DIP2A: variants seen among roughly 807,000 people sequenced by gnomAD.
DIP2A encodes disco-interacting protein 2 homolog A.
DIP2A carries 85 observed loss-of-function variants against 177.4 expected under a neutral mutation model. That is an observed-to-expected ratio of 0.48 (90% confidence interval 0.40 to 0.57). The LOEUF (loss-of-function observed/expected upper bound fraction) is 0.57. Ranked by LOEUF, DIP2A falls within the 20% of genes least tolerant of loss-of-function variation. The probability of loss-of-function intolerance (pLI) is 0.00; values close to 1 mark genes in which losing one functional copy is unlikely to be tolerated. For synonymous variants in DIP2A, 886 were observed against 881.8 expected (o/e 1.00, Z -0.08); for missense variants, 1,791 against 2,100.2 (o/e 0.85, Z 2.88).
chr21:46,470,495 A>G (rs1266925591), intron 1 of DIP2A, among the ~76,000 whole-genome samples: 2 of 150,002 alleles, frequency 1.3e-5, no homozygotes, highest in African/African-American at 2.5e-5. Flanking sequence ...AGGGGGGGCC[A>G]GGCACGGTAG....
chr21:46,503,905 T>C (rs2057836310), intron 5 of DIP2A, among the ~76,000 whole-genome samples: 1 of 152,162 alleles, frequency 6.6e-6, no homozygotes, highest in Admixed American at 6.5e-5. Context: ...TTTGTATTTT[T>C]AGTAGAGACG....
intron 1 of DIP2A, among the ~76,000 whole-genome samples, chr21:46,482,305 A>G (rs1025932918): frequency 5.9e-5 from 9 of 152,204 alleles, no homozygotes; most frequent in Admixed American, 5.2e-4. Context: ...CCACATATAT[A>G]ACAGTGGCTC....
the DIP2A span, among the ~76,000 whole-genome samples, chr21:46,583,748 T>C: frequency 5.9e-5 from 9 of 152,326 alleles, no homozygotes; most frequent in Admixed American, 5.2e-4. Context: ...CCTTGCTCTC[T>C]CTTGCCTTTC....
In DIP2A at chr21:46,558,556, A is replaced by G. The variant is rs976525846; in HGVS notation, c.3969+163A>G. ...GTAACATTTTAGCTTCAAGGGTTTT[A>G]TTTTTAAAGATGTTCTATTCTAGTT... On this transcript the variant is annotated intron_variant, in intron 32 of 37. Coordinates refer to ENST00000417564, the MANE Select transcript of DIP2A (RefSeq NM_015151.4). The G allele has an allele frequency of 4.2e-6, 3 of 708,088 alleles. No individual in the cohort carries two copies. In the African/African-American group the frequency reaches 5.4e-5, roughly 13 times the overall value. The allele number at this position is 708,088 out of a possible 1,614,324, so 43.9% of individuals were successfully genotyped here.
chr21:46,552,822 T>G (rs1569098782), intron 25 of DIP2A: 1 of 152,236 alleles, frequency 6.6e-6, no homozygotes, highest in Non-Finnish European at 1.5e-5. Flanking sequence ...ACATTTATTT[T>G]ATGATTGATT....
chr21:46,489,530 A>G (rs1318760959), intron 2 of DIP2A, among the ~76,000 whole-genome samples: 2 of 152,152 alleles, frequency 1.3e-5, no homozygotes, highest in African/African-American at 4.8e-5. Context: ...GCACAGAGCC[A>G]GGTAGAGCCG....
intron 25 of DIP2A, chr21:46,553,779 C>T (rs75201477): frequency 0.039 from 6,483 of 164,420 alleles, 188 homozygotes; most frequent in Non-Finnish European, 0.059. Flanking sequence ...ATGGAGTGCC[C>T]GCATCTCTCC....
At chr21:46,576,163 G>A in the DIP2A span, among the ~76,000 whole-genome samples, 2 of 152,160 alleles carry the variant, frequency 1.3e-5, no homozygotes, top group African/African-American at 4.8e-5. Flanking sequence ...ACATGTGCAG[G>A]ATGTGCAGAT....
rs1014399295 is a variant in DIP2A, at chr21:46,554,713, C to T, written c.3276+17C>T. On this transcript the variant is annotated intron_variant, in intron 27 of 37. Coordinates refer to ENST00000417564, the MANE Select transcript of DIP2A (RefSeq NM_015151.4). ...ATCGTGGAGGTGCGCCTACCTGGCC[C>T]GCGGGTCAGAGTCTGTGAGTGGGAG... 7 of 1,557,024 alleles carry T rather than the reference C, an allele frequency of 4.5e-6. No homozygotes were observed. Among genetic ancestry groups the T allele is most frequent in the Non-Finnish European group, 6.1e-6 (7 of 1,151,256 alleles).
intron 16 of DIP2A, 44 bp from the exon 17 acceptor site, chr21:46,539,833 C>T: frequency 2.0e-6 from 3 of 1,493,986 alleles, no homozygotes; most frequent in Non-Finnish European, 2.8e-6. Flanking sequence ...TCCCTGCTGG[C>T]CCCCCAGTTA....
At chr21:46,582,907 T>G in the DIP2A span, among the ~76,000 whole-genome samples, 1 of 152,158 alleles carries the variant, frequency 6.6e-6, no homozygotes, top group African/African-American at 2.4e-5. Context: ...ATGAATGAAT[T>G]AAACAGTTTA....
intron 1 of DIP2A, among the ~76,000 whole-genome samples, chr21:46,476,652 A>ATT (rs111428142): frequency 7.7e-5 from 10 of 129,898 alleles, no homozygotes; most frequent in Admixed American, 2.4e-4. Context: ...GCATCACTCT[A>ATT]TTTTTTTTTT....
intron 1 of DIP2A, 95 bp from the exon 2 acceptor site, chr21:46,484,662 C>T (rs2148435293): frequency 2.0e-6 from 2 of 1,024,458 alleles, no homozygotes; most frequent in Non-Finnish European, 2.8e-6. Context: ...GGAAGGACAT[C>T]AGTGTTTCCA....
chr21:46,473,793 G>A (rs1371880781), intron 1 of DIP2A, among the ~76,000 whole-genome samples: 1 of 152,156 alleles, frequency 6.6e-6, no homozygotes, highest in Admixed American at 6.5e-5. Context: ...TGGAATTATA[G>A]GCGTGAACCA....
Position 46,551,668 on chromosome 21 carries a change from G to C in DIP2A, c.2874G>C (p.Leu958=). The C allele has an allele frequency of 6.2e-7, 1 of 1,614,030 alleles. No individual in the cohort carries two copies. The highest frequency in any genetic ancestry group is 8.5e-7 in the Non-Finnish European group (1 of 1,179,898). ...CAGCCTCAATGATCGTGGGGAACCT[G>C]GTTGCTGGGAAGAGAATCGCTCAGG... ...VGPASMIVGN[L]VAGKRIAQAS... is the part of the protein sequence containing the mutation. The change falls in exon 24 of 38, where the codon CTG becomes CTC. Residue 958 remains leucine, a synonymous_variant. Coordinates refer to ENST00000417564, the MANE Select transcript of DIP2A (RefSeq NM_015151.4).
At chr21:46,473,556 C>G (rs2055587953) in intron 1 of DIP2A, among the ~76,000 whole-genome samples, 1 of 151,916 alleles carries the variant, frequency 6.6e-6, no homozygotes. Context: ...TGCTCTGTTA[C>G]CCAGGCTGGA....
intron 8 of DIP2A, 61 bp from the exon 9 acceptor site, chr21:46,529,031 T>C: frequency 8.8e-7 from 1 of 1,141,344 alleles, no homozygotes; most frequent in East Asian, 2.7e-5. Context: ...GTTTCTACAT[T>C]AAAATGTTAA....
intron 4 of DIP2A, among the ~76,000 whole-genome samples, chr21:46,498,000 T>A (rs1391770633): frequency 6.6e-6 from 1 of 152,192 alleles, no homozygotes; most frequent in African/African-American, 2.4e-5. Context: ...ACAGTTAATT[T>A]TGTTGTCTGA....
chr21:46,567,263 G>A, intron 37 of DIP2A, 107 bp from the exon 38 acceptor site: 1 of 1,477,392 alleles, frequency 6.8e-7, no homozygotes. Context: ...ATAGCTGTGT[G>A]ACATTGGTGG....
Sources: allele counts gnomAD v4.1 joint callset (sites outside exome capture counted in the v4.1 genomes callset), GRCh38; gene constraint gnomAD v4.1.1; transcripts MANE v1.5; gene names NCBI Gene and HGNC (gene_info 2026-07-23, HGNC 2026-07-21).